Variants in TRAP1 observed in about 807,000 individuals in gnomAD.
The protein encoded by TRAP1 is heat shock protein 75 kDa, mitochondrial.
TRAP1 carries 102 observed loss-of-function variants against 89.1 expected under a neutral mutation model. The observed-to-expected ratio is 1.15, with a 90% CI of 0.98 to 1.35. The LOEUF is 1.35. TRAP1 is among the 40% of genes most tolerant of loss of function. The probability of loss-of-function intolerance (pLI) is 0.00; values close to 1 mark genes in which losing one functional copy is unlikely to be tolerated. For synonymous variants in TRAP1, 508 were observed against 388.0 expected (o/e 1.31, Z -3.64); for missense variants, 1,256 against 945.3 (o/e 1.33, Z -4.31).
At chr16:3,662,755 C>T (rs780769994) in intron 15 of TRAP1, 127 bp downstream of exon 15, 7 of 875,468 alleles carry the variant, frequency 8.0e-6, no homozygotes, top group Non-Finnish European at 5.6e-6. Flanking sequence ...AGGGTCTCCA[C>T]CTGACACCAA....
chr16:3,701,234 A>G (rs560014911), intron 1 of TRAP1, among the ~76,000 whole-genome samples: 1 of 152,206 alleles, frequency 6.6e-6, no homozygotes, highest in East Asian at 1.9e-4. Context: ...TACAACAAAC[A>G]ATTCATCAGG....
At chr16:3,685,252 G>GT (rs2051123603) in intron 4 of TRAP1, among the ~76,000 whole-genome samples, 1 of 152,178 alleles carries the variant, frequency 6.6e-6, no homozygotes, top group Admixed American at 6.5e-5. Context: ...CAGCTGGCAC[G>GT]TACCACGGGG....
At chr16:3,702,272 T>A (rs755217154) in intron 1 of TRAP1, among the ~76,000 whole-genome samples, 28 of 151,660 alleles carry the variant, frequency 1.8e-4, no homozygotes, top group Non-Finnish European at 2.9e-4. Flanking sequence ...CTAGACTAAG[T>A]GGACCCAGCA....
chr16:3,707,305 C>T (rs2051461555), intron 1 of TRAP1, among the ~76,000 whole-genome samples: 2 of 150,852 alleles, frequency 1.3e-5, no homozygotes, highest in Admixed American at 1.3e-4. Context: ...CCTGCCTCAG[C>T]CTCCCAAGTA....
At chr16:3,702,789 T>C (rs1407173402) in intron 1 of TRAP1, among the ~76,000 whole-genome samples, 2 of 151,634 alleles carry the variant, frequency 1.3e-5, no homozygotes, top group African/African-American at 4.9e-5. Flanking sequence ...ACACCTGTAA[T>C]CCTGGCACTT....
intron 16 of TRAP1, 51 bp from the exon 17 acceptor site, chr16:3,658,916 C>T: frequency 6.3e-7 from 1 of 1,578,198 alleles, no homozygotes; most frequent in Non-Finnish European, 8.7e-7. Flanking sequence ...CGTGCTGTGA[C>T]CCTCCCTTCA....
In TRAP1 at chr16:3,672,756, A is replaced by C. The variant is rs1365299915; in HGVS notation, c.1109T>G (p.Val370Gly). The C allele has an allele frequency of 6.2e-7, 1 of 1,611,906 alleles. No homozygotes were observed. The highest frequency in any genetic ancestry group is 8.5e-7 in the Non-Finnish European group (1 of 1,179,158). Residue 370 changes from valine to glycine, a missense_variant, in exon 10 of 18, where the codon GTC (valine) becomes GGC (glycine). Physicochemically the swap from Val to Gly is moderately radical, Grantham distance 109. Transcript: ENST00000246957. ...GSSVALYSRK[V>G]LIQTKATDIL... ...GTCCGTGGCCTTGGTCTGGATGAGG[A>C]CTTTGCGGCTGTACAGTGCAACGCT...
intron 1 of TRAP1, among the ~76,000 whole-genome samples, chr16:3,702,631 C>G (rs918463738): frequency 6.6e-6 from 1 of 151,616 alleles, no homozygotes; most frequent in Non-Finnish European, 1.5e-5. Flanking sequence ...GTAGTTCCAG[C>G]TACTTGGGGT....
At position 3,674,411 on chromosome 16, in the gene TRAP1, C is replaced by A. The variant is rs745629460; in HGVS notation, c.972G>T (p.Lys324Asn). Residue 324 changes from lysine to asparagine, a missense_variant, in exon 9 of 18, where the codon AAG (lysine) becomes AAT (asparagine). By Grantham distance (94) the Lys-to-Asn change is moderately conservative. Transcript: ENST00000246957. ...FYRYVAQAHD[K>N]PRYTLHYKTD... ...TCTTATAGTGCAGGGTGTAGCGGGG[C>A]TTGTCGTGAGCCTGCGCGACGTAGC... is the stretch of plus-strand genomic sequence containing the variant. The A allele has an allele frequency of 6.2e-7, 1 of 1,614,124 alleles. No homozygotes were observed. Among genetic ancestry groups the A allele is most frequent in the South Asian group, 1.1e-5 (1 of 91,086 alleles).
Position 3,690,943 on chromosome 16 carries a change from C to T in TRAP1, c.131G>A (p.Gly44Asp). Residue 44 changes from glycine (G) to aspartate (D), a missense_variant, in exon 2 of 18, where the codon GGC (glycine) becomes GAC (aspartate). By Grantham distance (94) the Gly-to-Asp change is moderately conservative. Transcript: ENST00000246957. The part of the protein sequence containing the change: ...LCPRRTTAQL[G>D]PRRNPAWSLQ... ...GCTCCAGGCTGGGTTTCGCCTGGGG[C>T]CCAACTGGGCTGTGGTCCTCCGAGG... 6.3e-7 allele frequency: 1 copy of T among 1,579,756 alleles called. No individual in the cohort carries two copies. Among genetic ancestry groups the T allele is most frequent in the Non-Finnish European group, 8.6e-7 (1 of 1,164,422 alleles).
chr16:3,700,174 CTTT>C (rs917683044), intron 1 of TRAP1, among the ~76,000 whole-genome samples: 5 of 149,064 alleles, frequency 3.4e-5, no homozygotes, highest in Middle Eastern at 3.5e-3. Flanking sequence ...TCTTTACAAA[CTTT>C]TTTTTTTGAG....
intron 11 of TRAP1, 22 bp downstream of exon 11, chr16:3,671,683 GTCCCCAGCAGGGTCCTC>G (rs1205886045): frequency 9.4e-6 from 15 of 1,603,202 alleles, no homozygotes; most frequent in Middle Eastern, 1.7e-4. Flanking sequence ...TAGGGGCCTT[GTCCCCAGCAGGGTCCTC>G]TCCCCGCGGC....
intron 1 of TRAP1, among the ~76,000 whole-genome samples, chr16:3,709,673 G>C (rs543897120): frequency 7.2e-5 from 11 of 151,980 alleles, no homozygotes; most frequent in African/African-American, 1.2e-4. Flanking sequence ...TGTGTGAGAC[G>C]GAGTTTTCGC....
Position 3,658,228 on chromosome 16 carries a change from T to C in TRAP1, c.2016A>G (p.Ile672Met), listed in dbSNP as rs1479750100. 6.2e-7 allele frequency: 1 copy of C among 1,613,222 alleles called. No individual in the cohort carries two copies. The change falls in exon 18 of 18, where the codon ATA (isoleucine) becomes ATG (methionine). Residue 672 changes from isoleucine (I) to methionine (M), a missense_variant and splice_region_variant. Coordinates refer to ENST00000246957, the MANE Select transcript of TRAP1 (RefSeq NM_016292.3). ...CAGCAGCAATCATGGCGTTCTCGTA[T>C]ATCTGAAAGGCAAGAGGAGAAACCC... ...PGLAQLLVDQIYENAMIAAGL... is the reference protein window; with the variant it reads ...PGLAQLLVDQMYENAMIAAGL...
At chr16:3,685,935 G>A (rs1485686006) in intron 4 of TRAP1, 61 bp downstream of exon 4, 1 of 1,580,836 alleles carries the variant, frequency 6.3e-7, no homozygotes, top group East Asian at 2.3e-5. Context: ...TCACTAGAAG[G>A]CGGATCCTGT....
intron 1 of TRAP1, among the ~76,000 whole-genome samples, chr16:3,705,358 C>T (rs1385428603): frequency 6.6e-6 from 1 of 152,228 alleles, no homozygotes; most frequent in African/African-American, 2.4e-5. Context: ...CATGAGCCAC[C>T]ATGCCCGGAC....
intron 4 of TRAP1, among the ~76,000 whole-genome samples, chr16:3,683,904 G>A (rs2051105301): frequency 1.3e-5 from 2 of 151,984 alleles, no homozygotes; most frequent in South Asian, 2.1e-4. Context: ...GGTGGCTCCC[G>A]CCTGTAATCC....
At chr16:3,667,576 T>C (rs891582433) in intron 11 of TRAP1, among the ~76,000 whole-genome samples, 1 of 150,676 alleles carries the variant, frequency 6.6e-6, no homozygotes, top group African/African-American at 2.4e-5. Flanking sequence ...GGTGAGCCAA[T>C]ACCTCGCCAC....
rs61753377 is a variant in TRAP1 at position 3,676,073 on chromosome 16, G to A, written c.777C>T (p.Ser259=). Residue 259 remains serine, a synonymous_variant, in exon 7 of 18, where the codon TCC becomes TCT. Transcript: ENST00000246957. ...TGTKIIIHLK[S]DCKEFSSEAR... is the part of the protein sequence containing the mutation. ...CCTCGCTGGAAAACTCCTTGCAGTC[G>A]GATTTCAGGTGGATGATGATTTTTG... 43 of 1,613,816 alleles carry A rather than the reference G, an allele frequency of 2.7e-5. No individual in the cohort carries two copies. The East Asian group carries it at 3.8e-4, about 14-fold the overall frequency.
Sources: gnomAD v4.1 joint callset for allele counts (sites outside exome capture counted in the v4.1 genomes callset) on GRCh38, gnomAD v4.1.1 for gene constraint, MANE v1.5 for transcripts, NCBI Gene and HGNC (gene_info 2026-07-23, HGNC 2026-07-21) for gene names.